The following OSBPL10 variants were observed in gnomAD, a reference collection of about 807,000 sequenced individuals.
OSBPL10 encodes oxysterol-binding protein-related protein 10.
In OSBPL10, 49 loss-of-function variants were observed where a neutral mutation model predicts 81.7. That is an observed-to-expected ratio of 0.60 (90% CI 0.48 to 0.76). OSBPL10 has a LOEUF of 0.76. OSBPL10 is among the 30% of genes least tolerant of loss of function. The probability of loss-of-function intolerance (pLI) is 0.00; values close to 1 mark genes in which losing one functional copy is unlikely to be tolerated. For missense variants in OSBPL10, 923 were observed against 987.8 expected (o/e 0.93, Z 0.88); for synonymous variants, 419 against 383.6 (o/e 1.09, Z -1.08).
At chr3:31,877,580 A>G (rs1701509603) in intron 2 of OSBPL10, among the ~76,000 whole-genome samples, 2 of 152,082 alleles carry the variant, frequency 1.3e-5, no homozygotes, top group African/African-American at 2.4e-5. Flanking sequence ...TGACTATGAA[A>G]AAAAAAAACA....
chr3:32,037,523 G>T, intron 2 of OSBPL10: 1 of 198,214 alleles, frequency 5.0e-6, no homozygotes, highest in Non-Finnish European at 1.0e-5. Flanking sequence ...AACGAGAAAA[G>T]ATAGGTCATT....
chr3:31,880,730 C>T (rs947604420), intron 1 of OSBPL10, among the ~76,000 whole-genome samples: 3 of 152,242 alleles, frequency 2.0e-5, no homozygotes, highest in African/African-American at 4.8e-5. Flanking sequence ...TTTGCACATG[C>T]TGTTCTTGCT....
Position 32,073,662 on chromosome 3 carries a change from A to G in OSBPL10, n.185+3734T>C, listed in dbSNP as rs371862125. Among the ~76,000 whole-genome samples, 391 of 152,178 alleles carry G rather than the reference A, an allele frequency of 2.6e-3. 2 individuals are homozygous for G. The highest frequency in any genetic ancestry group is 8.4e-3 in the African/African-American group (350 of 41,516). ...GGGGCTTTATGCAGTCACCCCCACT[A>G]CTTGGACTGCACCCCAAAAAACTTG... is the stretch of plus-strand genomic sequence containing the variant. On this transcript the variant is annotated intron_variant and non_coding_transcript_variant, in intron 1 of 3. Transcript: ENST00000479173.
chr3:31,970,081 G>A (rs1698513737), intron 1 of OSBPL10, among the ~76,000 whole-genome samples: 1 of 152,172 alleles, frequency 6.6e-6, no homozygotes, highest in East Asian at 1.9e-4. Flanking sequence ...ACACTTTGAA[G>A]TCCGAAAATT....
At chr3:31,815,624 C>T (rs1211952194) in intron 4 of OSBPL10, among the ~76,000 whole-genome samples, 1 of 152,144 alleles carries the variant, frequency 6.6e-6, no homozygotes, top group Non-Finnish European at 1.5e-5. Context: ...AAGTGCCCTG[C>T]CTCTGCTGGA....
intron 1 of OSBPL10, among the ~76,000 whole-genome samples, chr3:32,058,252 A>G (rs766944187): frequency 2.0e-5 from 3 of 152,240 alleles, no homozygotes; most frequent in Non-Finnish European, 4.4e-5. Context: ...TGATAAACCA[A>G]CTTTAGCAAA....
chr3:31,763,055 T>C (rs770520862), intron 4 of OSBPL10, among the ~76,000 whole-genome samples: 2 of 152,112 alleles, frequency 1.3e-5, no homozygotes, highest in African/African-American at 2.4e-5. Context: ...CGGAACGGAA[T>C]GAGAACACAC....
chr3:32,073,830 C>T (rs1359962604), intron 1 of OSBPL10, among the ~76,000 whole-genome samples: 2 of 152,100 alleles, frequency 1.3e-5, no homozygotes, highest in Non-Finnish European at 2.9e-5. Context: ...ATCCCCAAAC[C>T]GCCACTCTTG....
chr3:31,938,635 C>T (rs1001858661), intron 1 of OSBPL10, among the ~76,000 whole-genome samples: 2 of 152,006 alleles, frequency 1.3e-5, no homozygotes, highest in Admixed American at 6.5e-5. Context: ...CAGCCTACCA[C>T]GTAGCTGGGA....
chr3:31,694,103 G>A (rs945468715), intron 7 of OSBPL10, among the ~76,000 whole-genome samples: 1 of 152,184 alleles, frequency 6.6e-6, no homozygotes, highest in East Asian at 1.9e-4. Context: ...GGGTGCAAAG[G>A]CTCTTGCCTG....
At chr3:32,034,210 T>C (rs1184894911) in intron 2 of OSBPL10, among the ~76,000 whole-genome samples, 1 of 151,882 alleles carries the variant, frequency 6.6e-6, no homozygotes, top group East Asian at 1.9e-4. Flanking sequence ...ATTACGGGGA[T>C]TACAATTAGA....
chr3:31,839,049 G>C (rs1700432223), intron 3 of OSBPL10, among the ~76,000 whole-genome samples: 2 of 152,184 alleles, frequency 1.3e-5, no homozygotes, highest in African/African-American at 4.8e-5. Context: ...GTATTCTGTT[G>C]AATTTGATAC....
At chr3:31,851,162 T>TA (rs1409990443) in intron 3 of OSBPL10, among the ~76,000 whole-genome samples, 3 of 152,166 alleles carry the variant, frequency 2.0e-5, no homozygotes, top group African/African-American at 7.2e-5. Flanking sequence ...AATCAGATTC[T>TA]AAAAAAACAC....
chr3:31,800,554 C>CTT (rs1559470958), intron 4 of OSBPL10, among the ~76,000 whole-genome samples: 1 of 152,202 alleles, frequency 6.6e-6, no homozygotes, highest in Non-Finnish European at 1.5e-5. Flanking sequence ...GGAGCATTTC[C>CTT]TTTCCCATTA....
chr3:31,663,392 T>G, intron 11 of OSBPL10: 1 of 986,620 alleles, frequency 1.0e-6, no homozygotes, highest in Non-Finnish European at 1.2e-6. Context: ...GGGCCTGCTT[T>G]AAGACGTGTG....
chr3:32,060,969 G>A (rs1426178310), intron 1 of OSBPL10, among the ~76,000 whole-genome samples: 436 of 33,320 alleles, frequency 0.013, 76 homozygotes, highest in African/African-American at 0.022. Context: ...GCAAAACTCC[G>A]CCTCAAAAAA....
chr3:31,962,530 C>T (rs1181683641), intron 1 of OSBPL10, among the ~76,000 whole-genome samples: 2 of 114,716 alleles, frequency 1.7e-5, no homozygotes, highest in Admixed American at 1.6e-4. Flanking sequence ...TAATGAAACA[C>T]TATTTTTTTT....
chr3:31,787,853 C>A (rs139271600), intron 4 of OSBPL10, among the ~76,000 whole-genome samples: 1 of 151,972 alleles, frequency 6.6e-6, no homozygotes, highest in East Asian at 1.9e-4. Context: ...CATAAATACC[C>A]GACAACAGAA....
At position 31,830,215 on chromosome 3, in the gene OSBPL10, C is replaced by T. The variant is rs781373263; in HGVS notation, c.554G>A (p.Arg185Gln). 63 of 1,613,656 alleles carry T rather than the reference C, an allele frequency of 3.9e-5. No homozygotes were observed. The highest frequency in any genetic ancestry group is 4.8e-5 in the Non-Finnish European group (57 of 1,179,868). The change falls in exon 4 of 12, where the codon CGA (arginine) becomes CAA (glutamine). Residue 185 changes from arginine (R) to glutamine (Q), a missense_variant. Coordinates refer to ENST00000396556, the MANE Select transcript of OSBPL10 (RefSeq NM_017784.5). ...TGGGAGCAAAGTGAGACTTCGGCTT[C>T]GGGAGCTTGGAGCACTCTAGAATAA... ...EMNSKSAPSSRSRSLTLLPHG... is the reference protein window; with the variant it reads ...EMNSKSAPSSQSRSLTLLPHG...
Sources: gnomAD v4.1 joint callset for allele counts (sites outside exome capture counted in the v4.1 genomes callset) on GRCh38, gnomAD v4.1.1 for gene constraint, MANE v1.5 for transcripts, NCBI Gene and HGNC (gene_info 2026-07-23, HGNC 2026-07-21) for gene names.